The following CPVL variants were observed in gnomAD, a reference collection of about 807,000 sequenced individuals.
CPVL encodes the protein carboxypeptidase vitellogenic like, also known as probable serine carboxypeptidase CPVL.
CPVL carries 51 observed loss-of-function variants against 63.7 expected under a neutral mutation model. That is an observed-to-expected ratio of 0.80 (90% CI 0.64 to 1.01). The LOEUF (loss-of-function observed/expected upper bound fraction) is 1.01, where lower values mean the gene tolerates loss of function less well. CPVL is among the 50% of genes least tolerant of loss of function. The pLI is 0.00. For synonymous variants in CPVL, 195 were observed against 206.0 expected, an observed-to-expected ratio of 0.95 and a Z score of 0.46; for missense variants, 530 against 573.1, an observed-to-expected ratio of 0.92 and a Z score of 0.77.
In CPVL at chr7:28,995,549, TTTAAG is replaced by T; in HGVS notation, c.*218_*222del. On this transcript the variant is annotated 3_prime_UTR_variant, in exon 13 of 13. Transcript: ENST00000265394. ...GTCACATCATCCATACCTTTCATCCTTTAAGTTAAATAATGTAATTCTTACTCATG... is the reference window on the plus strand; with the variant it reads ...GTCACATCATCCATACCTTTCATCCTTTAAATAATGTAATTCTTACTCATG... 1 of 468,584 alleles carries T rather than the reference TTTAAG, an allele frequency of 2.1e-6. No individual in the cohort carries two copies. Among genetic ancestry groups the T allele is most frequent in the South Asian group, 2.8e-5 (1 of 35,512 alleles). The allele number at this position is 468,584 out of a possible 1,614,324, so 29.0% of individuals were successfully genotyped here. A position where few individuals can be genotyped will look rare whatever the true frequency, so the allele number is the denominator to read the frequency against.
At chr7:29,072,480 T>C in intron 7 of CPVL, 57 bp from the exon 8 acceptor site, 2 of 1,590,752 alleles carry the variant, frequency 1.3e-6, no homozygotes, top group South Asian at 2.3e-5. Flanking sequence ...TAAAATTAAA[T>C]GTACTTAAGC....
At chr7:29,094,731 C>T (rs1375771308) in intron 5 of CPVL, among the ~76,000 whole-genome samples, 1 of 151,960 alleles carries the variant, frequency 6.6e-6, no homozygotes, top group East Asian at 1.9e-4. Flanking sequence ...GGTGTGGTGG[C>T]ACACGCCTGT....
At chr7:29,060,305 G>A (rs977654154) in intron 11 of CPVL, among the ~76,000 whole-genome samples, 8 of 152,140 alleles carry the variant, frequency 5.3e-5, no homozygotes, top group East Asian at 1.9e-4. Flanking sequence ...AAGCCAAAGC[G>A]CAGAGAGTTT....
In CPVL at chr7:29,095,593, TA is replaced by T. The variant is rs530962965; in HGVS notation, c.404-452del. Among the ~76,000 whole-genome samples the T allele has an allele frequency of 4.9e-3, 606 of 124,294 alleles. 1 individual carries two copies. The highest frequency in any genetic ancestry group is 0.012 in the Middle Eastern group (3 of 242). 81.5% of individuals were successfully genotyped at this position (124,294 alleles called of 152,430 possible). A position where few individuals can be genotyped will look rare whatever the true frequency, so the allele number is the denominator to read the frequency against. On this transcript the variant is annotated intron_variant, in intron 4 of 12. Coordinates refer to ENST00000265394, the MANE Select transcript of CPVL (RefSeq NM_031311.5). ...CTGACCCAGGGGAAGTAAACAAAAT[TA>T]AAAAAAAAAAAAAACAAAATGAGAT...
intron 7 of CPVL, among the ~76,000 whole-genome samples, chr7:29,081,968 T>C (rs955242721): frequency 6.6e-6 from 1 of 152,204 alleles, no homozygotes; most frequent in Non-Finnish European, 1.5e-5. Context: ...AGCACACAAA[T>C]GTGAAGATAT....
At chr7:29,166,928 T>C (rs1048737127) in intron 5 of CPVL, among the ~76,000 whole-genome samples, 3 of 152,166 alleles carry the variant, frequency 2.0e-5, no homozygotes, top group Non-Finnish European at 4.4e-5. Context: ...ATCTGTGTCA[T>C]TTTTGTTCTG....
At chr7:29,068,840 G>A (rs1216873195) in intron 9 of CPVL, among the ~76,000 whole-genome samples, 11 of 150,874 alleles carry the variant, frequency 7.3e-5, no homozygotes, top group South Asian at 2.1e-4. Context: ...GACTACAGGC[G>A]CCCGCCACTA....
At chr7:29,067,649 G>A (rs1307551195) in intron 9 of CPVL, among the ~76,000 whole-genome samples, 1 of 151,976 alleles carries the variant, frequency 6.6e-6, no homozygotes, top group Non-Finnish European at 1.5e-5. Context: ...ACATGGAGGG[G>A]GGTTGTTGAT....
chr7:29,086,366 T>C (rs572454515), intron 7 of CPVL, 118 bp downstream of exon 7: 3 of 623,428 alleles, frequency 4.8e-6, no homozygotes, highest in East Asian at 5.8e-5. Context: ...GAATCAATAT[T>C]GATATGTATG....
intron 9 of CPVL, among the ~76,000 whole-genome samples, chr7:29,068,872 T>C (rs1475585272): frequency 6.6e-6 from 1 of 151,272 alleles, no homozygotes; most frequent in Non-Finnish European, 1.5e-5. Flanking sequence ...CTTTTTTGTA[T>C]TTTTAGTAGA....
rs113831000 is a variant in CPVL, at chr7:29,164,744, G to A, written c.-11+16546C>T. 4.8e-4 allele frequency among the ~76,000 whole-genome samples: 65 copies of A among 136,302 alleles called. 1 individual carries two copies. The highest frequency in any genetic ancestry group is 1.8e-3 in the African/African-American group (62 of 35,228). The allele number at this position is 136,302 out of a possible 152,430, so 89.4% of individuals were successfully genotyped here. A position where few individuals can be genotyped will look rare whatever the true frequency, so the allele number is the denominator to read the frequency against. ...TGCAGTGAGCCGAGATCTCACCACTGCACTCCAGCCTGGGTGACAGAGCAA... is the reference window on the plus strand; with the variant it reads ...TGCAGTGAGCCGAGATCTCACCACTACACTCCAGCCTGGGTGACAGAGCAA... On this transcript the variant is annotated intron_variant, in intron 5 of 16. Transcript: ENST00000409850.
rs572453970 is a variant in CPVL, at chr7:29,134,033, T to C, written c.-11+12396A>G. Among the ~76,000 whole-genome samples the C allele has an allele frequency of 2.0e-5, 3 of 152,294 alleles. No individual in the cohort carries two copies. The South Asian group carries it at 6.2e-4, about 32-fold the overall frequency. ...CCTTATTCTGCAGCAAATTCATTAT[T>C]TGGACATTTTCAGTAGAGACACTCT... On this transcript the variant is annotated intron_variant, in intron 1 of 12. Coordinates refer to ENST00000265394, the MANE Select transcript of CPVL (RefSeq NM_031311.5).
intron 5 of CPVL, 80 bp downstream of exon 5, chr7:29,095,004 T>C: frequency 1.0e-6 from 1 of 978,218 alleles, no homozygotes. Context: ...ATCTATTTTT[T>C]AAATGTACTT....
intron 1 of CPVL, among the ~76,000 whole-genome samples, chr7:29,128,472 T>C (rs774976804): frequency 6.6e-6 from 1 of 152,094 alleles, no homozygotes; most frequent in Non-Finnish European, 1.5e-5. Flanking sequence ...TCCCAGCACT[T>C]TGGGAGGCCA....
chr7:29,031,058 A>G (rs1787973860), intron 11 of CPVL, among the ~76,000 whole-genome samples: 1 of 152,206 alleles, frequency 6.6e-6, no homozygotes, highest in Non-Finnish European at 1.5e-5. Flanking sequence ...GTTAAGAAGG[A>G]AGACTGTGGT....
rs137961426 is a variant in CPVL at position 29,168,490 on chromosome 7, T to C, written c.-11+12800A>G. On this transcript the variant is annotated intron_variant, in intron 5 of 16. Transcript: ENST00000409850. ...TCATAGTCAATCTTTTTTGCATCTG[T>C]AATCTCTACCCATTCCTCCCACCCC... Among the ~76,000 whole-genome samples, 143 of 152,344 alleles carry C rather than the reference T, an allele frequency of 9.4e-4. 1 individual carries two copies. In the East Asian group the frequency reaches 0.025, roughly 26 times the overall value.
intron 5 of CPVL, among the ~76,000 whole-genome samples, chr7:29,094,686 G>A (rs186799058): frequency 4.0e-5 from 6 of 151,830 alleles, no homozygotes; most frequent in Admixed American, 2.0e-4. Context: ...CCCACCCCAC[G>A]CTCCCATCTC....
At chr7:29,142,991 AAC>A in intron 1 of CPVL, among the ~76,000 whole-genome samples, 1 of 152,246 alleles carries the variant, frequency 6.6e-6, no homozygotes, top group East Asian at 1.9e-4. Flanking sequence ...AAAGCTTCCT[AAC>A]ACATCTCTCA....
At chr7:29,096,046 C>T in intron 4 of CPVL, 57 bp downstream of exon 4, 1 of 1,319,034 alleles carries the variant, frequency 7.6e-7, no homozygotes, top group South Asian at 1.2e-5. Context: ...AGTTTTGGAG[C>T]AGGTATGAGG....
Sources: gnomAD v4.1 joint callset for allele counts (sites outside exome capture counted in the v4.1 genomes callset) on GRCh38, gnomAD v4.1.1 for gene constraint, MANE v1.5 for transcripts, NCBI Gene and HGNC (gene_info 2026-07-23, HGNC 2026-07-21) for gene names.